SLC12A9: variants seen among roughly 807,000 people sequenced by gnomAD.
The protein encoded by SLC12A9 is solute carrier family 12 member 9, also known as CCC-interacting protein 1.
Under a neutral mutation model 66.0 loss-of-function variants are expected in SLC12A9, and 55 were observed. That is an observed-to-expected ratio of 0.83 (90% CI 0.67 to 1.04). The LOEUF is 1.04. Ranked by LOEUF, SLC12A9 falls within the 50% of genes least tolerant of loss-of-function variation. SLC12A9 has a pLI of 0.00. For missense variants in SLC12A9, 1,061 were observed against 1,241.9 expected (o/e 0.85, Z 2.19); for synonymous variants, 577 against 569.0 (o/e 1.01, Z -0.20).
intron 1 of SLC12A9, among the ~76,000 whole-genome samples, chr7:100,846,496 GGCGGA>G (rs1813918930): frequency 6.6e-6 from 1 of 152,122 alleles, no homozygotes; most frequent in South Asian, 2.1e-4. Flanking sequence ...GAACCCAGGA[GGCGGA>G]GCTGGCAGTG....
chr7:100,853,090 CGAG>C (rs1814167518), intron 1 of SLC12A9, among the ~76,000 whole-genome samples: 1 of 148,318 alleles, frequency 6.7e-6, no homozygotes, highest in Non-Finnish European at 1.5e-5. Context: ...GAGGCTAAGG[CGAG>C]GAGGAGGGGG....
chr7:100,858,720 A>C, intron 5 of SLC12A9, 115 bp from the exon 6 acceptor site: 1 of 912,100 alleles, frequency 1.1e-6, no homozygotes, highest in Non-Finnish European at 1.7e-6. Flanking sequence ...GGTCTTAGTG[A>C]GGGCAGTGCA....
chr7:100,841,623 T>C (rs1257477232), intron 1 of SLC12A9, among the ~76,000 whole-genome samples: 1 of 152,156 alleles, frequency 6.6e-6, no homozygotes, highest in Non-Finnish European at 1.5e-5. Context: ...AAAAAGAGTC[T>C]ATAAAATCTT....
rs1029838892 is a variant in SLC12A9, at chr7:100,826,963, C to A, written n.144C>A. ...CAGGAGTGACGGGGTGCGCCCCCCCCCGCAAGGAAACTCACCTTCCAAAGC... is the reference window on the plus strand; with the variant it reads ...CAGGAGTGACGGGGTGCGCCCCCCCACGCAAGGAAACTCACCTTCCAAAGC... On this transcript the variant is annotated non_coding_transcript_exon_variant, in exon 1 of 2. Coordinates refer to the SLC12A9 transcript ENST00000461016. 212 of 1,518,050 alleles carry A rather than the reference C, an allele frequency of 1.4e-4. 1 individual carries two copies. Among genetic ancestry groups the A allele is most frequent in the Middle Eastern group, 8.7e-4 (5 of 5,744 alleles). 94.0% of individuals were successfully genotyped at this position (1,518,050 alleles called of 1,614,324 possible).
upstream of SLC12A9, among the ~76,000 whole-genome samples, chr7:100,848,907 GAAAAGAAA>G (rs1562985232): frequency 8.4e-6 from 1 of 119,636 alleles, no homozygotes; most frequent in African/African-American, 3.0e-5. Flanking sequence ...AAGAAAGAAA[GAAAAGAAA>G]GAAAGAAAGA....
At chr7:100,857,258 A>G in intron 5 of SLC12A9, 82 bp downstream of exon 5, 1 of 1,436,152 alleles carries the variant, frequency 7.0e-7, no homozygotes, top group Non-Finnish European at 9.5e-7. Context: ...CCTCTGGATG[A>G]GCACAGGTGT....
intron 9 of SLC12A9, chr7:100,860,869 GACACTGGGGAT>G (rs2116626324): frequency 1.8e-6 from 1 of 561,456 alleles, no homozygotes; most frequent in South Asian, 1.8e-5. Flanking sequence ...GGGGTTCACT[GACACTGGGGAT>G]ACACTGGCAC....
At chr7:100,848,966 G>GT (rs779870044), upstream of SLC12A9, among the ~76,000 whole-genome samples, 1 of 151,194 alleles carries the variant, frequency 6.6e-6, no homozygotes, top group Admixed American at 6.6e-5. Context: ...TATAAGGAGA[G>GT]TTTTTTTGTT....
chr7:100,831,745 C>T (rs144491703), intron 1 of SLC12A9, among the ~76,000 whole-genome samples: 1,568 of 152,246 alleles, frequency 0.01, 22 homozygotes, highest in African/African-American at 0.036. Flanking sequence ...CCCCTTTCTC[C>T]GTAAATTGTT....
chr7:100,855,895 G>T (rs1814362081), intron 4 of SLC12A9, 58 bp downstream of exon 4: 1 of 1,518,716 alleles, frequency 6.6e-7, no homozygotes. Context: ...GGGAGTGTGG[G>T]ATCATGAGGG....
At chr7:100,852,889 GAGA>G (rs1562987422) in intron 1 of SLC12A9, 54 bp downstream of exon 1, 1 of 152,238 alleles carries the variant, frequency 6.6e-6, no homozygotes, top group African/African-American at 2.4e-5. Flanking sequence ...CCTGGCCGGG[GAGA>G]AGGATATCTT....
chr7:100,864,086 T>C (rs1814928716), intron 13 of SLC12A9, among the ~76,000 whole-genome samples: 1 of 150,552 alleles, frequency 6.6e-6, no homozygotes, highest in Non-Finnish European at 1.5e-5. Context: ...GCCTTTTTTT[T>C]TTTTTTTTTT....
chr7:100,827,022 G>A, exon 1 of SLC12A9: 1 of 1,584,914 alleles, frequency 6.3e-7, no homozygotes, highest in Non-Finnish European at 8.6e-7. Context: ...GCAGCACCCG[G>A]AGCTCCATGG....
chr7:100,866,514 G>A lies in SLC12A9; in HGVS notation c.2654G>A (p.Arg885His), dbSNP rs374047787. The A allele has an allele frequency of 1.8e-4, 284 of 1,569,908 alleles. 1 individual carries two copies. The highest frequency in any genetic ancestry group is 2.3e-4 in the Non-Finnish European group (270 of 1,158,470). Residue 885 changes from arginine (R) to histidine (H), a missense_variant, in exon 14 of 14, where the codon CGC (arginine) becomes CAC (histidine). Arg to His is a conservative substitution (Grantham distance 29). Coordinates refer to ENST00000354161, the MANE Select transcript of SLC12A9 (RefSeq NM_020246.4). The surrounding 1 kb of genome is among the most constrained non-coding windows in gnomAD (Gnocchi z 7.3). Reference sequence around the variant, plus strand: ...CCAGCCGATCCCGCCCGATACCCCCGCTACCTGGCGCTACTGGAGACTCTA... The same window carrying A: ...CCAGCCGATCCCGCCCGATACCCCCACTACCTGGCGCTACTGGAGACTCTA... ...RPPADPARYP[R>H]YLALLETLTR... is the part of the protein sequence containing the mutation.
intron 1 of SLC12A9, among the ~76,000 whole-genome samples, chr7:100,839,699 G>A (rs1389870419): frequency 1.3e-5 from 2 of 152,194 alleles, no homozygotes; most frequent in African/African-American, 4.8e-5. Context: ...GGAAGGAACG[G>A]GCACTTAGAG....
At chr7:100,860,507 G>T (rs1814683141) in intron 9 of SLC12A9, 2 of 483,586 alleles carry the variant, frequency 4.1e-6, no homozygotes, top group Admixed American at 3.9e-5. Context: ...CACTTTTTGG[G>T]GTATACTAGT....
At chr7:100,844,591 T>C (rs902841456) in intron 1 of SLC12A9, among the ~76,000 whole-genome samples, 4 of 152,142 alleles carry the variant, frequency 2.6e-5, no homozygotes, top group African/African-American at 9.7e-5. Flanking sequence ...ATACTGGTCT[T>C]GTGTCATTTA....
Position 100,854,620 on chromosome 7 carries a change from G to A in SLC12A9, c.182G>A (p.Gly61Glu), listed in dbSNP as rs754828399. 6.2e-7 allele frequency: 1 copy of A among 1,614,014 alleles called. No homozygotes were observed. Among genetic ancestry groups the A allele is most frequent in the Middle Eastern group, 1.6e-4 (1 of 6,062 alleles). Reference sequence around the variant, plus strand: ...ACCTGATTTGCTGCTCCTGCCTCAGGGTTCGTGGTGGGTCATGCTGGGCTA... The same window carrying A: ...ACCTGATTTGCTGCTCCTGCCTCAGAGTTCGTGGTGGGTCATGCTGGGCTA... Reference protein sequence around the residue: ...MFSIVVFLRIGFVVGHAGLLQ... With the variant: ...MFSIVVFLRIEFVVGHAGLLQ... The change falls in exon 3 of 14, where the codon GGG becomes GAG. Residue 61 changes from glycine to glutamate, a missense_variant and splice_region_variant. Physicochemically the swap from Gly to Glu is moderately conservative, Grantham distance 98 (BLOSUM62 -2). Coordinates refer to ENST00000354161, the MANE Select transcript of SLC12A9 (RefSeq NM_020246.4).
intron 1 of SLC12A9, among the ~76,000 whole-genome samples, chr7:100,828,599 G>A (rs532583576): frequency 8.6e-5 from 13 of 151,018 alleles, no homozygotes; most frequent in African/African-American, 3.2e-4. Context: ...GAGAGGGTGA[G>A]GGGTCCGGCT....
Sources: gnomAD v4.1 joint callset for allele counts (sites outside exome capture counted in the v4.1 genomes callset) on GRCh38, gnomAD v4.1.1 for gene constraint, Gnocchi (gnomAD v3.1) non-coding constraint, MANE v1.5 for transcripts, NCBI Gene and HGNC (gene_info 2026-07-23, HGNC 2026-07-21) for gene names.